Variants in WDR70 observed in about 807,000 individuals in gnomAD.
WDR70 encodes the protein WD repeat domain 70.
A neutral mutation model predicts 88.6 loss-of-function variants in WDR70; 53 were observed. That is an observed-to-expected ratio of 0.60 (90% CI 0.48 to 0.75). WDR70 has a LOEUF of 0.75. WDR70 is among the 30% of genes least tolerant of loss of function. The pLI is 0.00. For synonymous variants in WDR70, 280 were observed against 270.0 expected, an observed-to-expected ratio of 1.04 and a Z score of -0.36; for missense variants, 610 against 823.2, an observed-to-expected ratio of 0.74 and a Z score of 3.17.
intron 10 of WDR70, among the ~76,000 whole-genome samples, chr5:37,613,019 TAG>T (rs1744229443): frequency 6.6e-6 from 1 of 152,204 alleles, no homozygotes; most frequent in Non-Finnish European, 1.5e-5. Flanking sequence ...ATTATTTTCA[TAG>T]AGTTATATAA....
chr5:37,407,975 A>C (rs1264748177), intron 5 of WDR70, among the ~76,000 whole-genome samples: 1 of 152,216 alleles, frequency 6.6e-6, no homozygotes, highest in African/African-American at 2.4e-5. Context: ...AATGCAAAAC[A>C]ACAGTGGCTT....
chr5:37,451,550 T>C (rs1217197296), intron 7 of WDR70, among the ~76,000 whole-genome samples: 1 of 152,192 alleles, frequency 6.6e-6, no homozygotes, highest in Non-Finnish European at 1.5e-5. Flanking sequence ...GTGCATATCT[T>C]GAGCCTCCCT....
At chr5:37,596,327 C>A (rs577331535) in intron 9 of WDR70, among the ~76,000 whole-genome samples, 45 of 152,298 alleles carry the variant, frequency 3.0e-4, no homozygotes, top group South Asian at 1.2e-3. Context: ...TATAAACCAA[C>A]AGAAATATAA....
intron 7 of WDR70, among the ~76,000 whole-genome samples, chr5:37,469,146 A>C (rs961692151): frequency 2.6e-5 from 4 of 152,178 alleles, no homozygotes; most frequent in East Asian, 3.9e-4. Context: ...CCTTGGAGTA[A>C]TTTTCTTAGT....
chr5:37,738,298 G>A (rs1204211394), intron 17 of WDR70, among the ~76,000 whole-genome samples: 2 of 152,176 alleles, frequency 1.3e-5, no homozygotes, highest in East Asian at 3.9e-4. Context: ...AAAAGCTTGT[G>A]GTTTATACTC....
intron 15 of WDR70, chr5:37,724,722 T>A: frequency 1.9e-6 from 1 of 527,710 alleles, no homozygotes; most frequent in Non-Finnish European, 3.4e-6. Context: ...TGACAGTATT[T>A]CCTGAGTGCT....
chr5:37,589,761 C>A (rs1319855282), intron 9 of WDR70, among the ~76,000 whole-genome samples: 1 of 151,746 alleles, frequency 6.6e-6, no homozygotes, highest in Non-Finnish European at 1.5e-5. Context: ...GGCCACCATA[C>A]CCAGCTAATT....
intron 13 of WDR70, among the ~76,000 whole-genome samples, chr5:37,713,270 A>G (rs1336561613): frequency 6.6e-6 from 1 of 152,198 alleles, no homozygotes; most frequent in Non-Finnish European, 1.5e-5. Context: ...GGGCTTATCC[A>G]GTTTAATAGT....
intron 10 of WDR70, among the ~76,000 whole-genome samples, chr5:37,658,458 G>A (rs1745614186): frequency 6.6e-6 from 1 of 152,028 alleles, no homozygotes; most frequent in Admixed American, 6.6e-5. Flanking sequence ...CCCACTCCTT[G>A]CCTTAGAAAA....
At chr5:37,583,338 G>A (rs527934834) in intron 9 of WDR70, among the ~76,000 whole-genome samples, 4 of 151,438 alleles carry the variant, frequency 2.6e-5, no homozygotes, top group South Asian at 2.1e-4. Context: ...GGAGAATGGC[G>A]TGAACCCAGG....
intron 13 of WDR70, among the ~76,000 whole-genome samples, chr5:37,717,875 C>T (rs1747695898): frequency 6.6e-6 from 1 of 152,152 alleles, no homozygotes; most frequent in Non-Finnish European, 1.5e-5. Context: ...ACAAAAAAGG[C>T]CCACCCACCT....
intron 10 of WDR70, among the ~76,000 whole-genome samples, chr5:37,608,396 CAGAGGACT>C (rs1260726744): frequency 6.6e-6 from 1 of 152,044 alleles, no homozygotes; most frequent in African/African-American, 2.4e-5. Flanking sequence ...TCTTTCAGTT[CAGAGGACT>C]GAAATTTCTT....
At chr5:37,407,563 A>G (rs534340058) in intron 5 of WDR70, among the ~76,000 whole-genome samples, 1 of 152,234 alleles carries the variant, frequency 6.6e-6, no homozygotes, top group East Asian at 1.9e-4. Flanking sequence ...AATAATTGGT[A>G]AATATTTCTC....
intron 13 of WDR70, among the ~76,000 whole-genome samples, chr5:37,704,044 T>C (rs1747246830): frequency 6.6e-6 from 1 of 152,222 alleles, no homozygotes; most frequent in East Asian, 1.9e-4. Context: ...CTAGTATTAC[T>C]ATGAAGTCTT....
chr5:37,389,089 CTT>C (rs869256981), intron 3 of WDR70, among the ~76,000 whole-genome samples: 27 of 124,870 alleles, frequency 2.2e-4, no homozygotes, highest in Admixed American at 3.2e-4. Context: ...CAGGCCCATT[CTT>C]TTTTTTTTTT....
At chr5:37,599,535 A>G (rs1022839666) in intron 9 of WDR70, among the ~76,000 whole-genome samples, 1 of 152,230 alleles carries the variant, frequency 6.6e-6, no homozygotes, top group Non-Finnish European at 1.5e-5. Context: ...AAAACAATTC[A>G]ATGTAAAAAG....
chr5:37,742,992 C>G (rs1029584993), intron 17 of WDR70, among the ~76,000 whole-genome samples: 3 of 152,224 alleles, frequency 2.0e-5, no homozygotes, highest in African/African-American at 7.2e-5. Context: ...TGAAATATCA[C>G]ATGAAATATT....
At chr5:37,519,661 G>A (rs1741023428) in intron 9 of WDR70, among the ~76,000 whole-genome samples, 1 of 151,030 alleles carries the variant, frequency 6.6e-6, no homozygotes, top group Non-Finnish European at 1.5e-5. Context: ...GCCGGGCGGA[G>A]GCGCTCCTCA....
At chr5:37,401,613 A>T (rs912633437) in intron 5 of WDR70, among the ~76,000 whole-genome samples, 1 of 152,150 alleles carries the variant, frequency 6.6e-6, no homozygotes, top group Admixed American at 6.5e-5. Context: ...CACCTTACCC[A>T]GGCCAAATTT....
Sources: gnomAD v4.1 joint callset for allele counts (sites outside exome capture counted in the v4.1 genomes callset) on GRCh38, gnomAD v4.1.1 for gene constraint, MANE v1.5 for transcripts, NCBI Gene and HGNC (gene_info 2026-07-23, HGNC 2026-07-21) for gene names.